The following SUGT1 variants were observed in gnomAD, a reference collection of about 807,000 sequenced individuals.
SUGT1 encodes SGT1 assembly cochaperone of MIS12 kinetochore complex, also known as protein SGT1 homolog.
A neutral mutation model predicts 56.1 loss-of-function variants in SUGT1; 15 were observed. That is an observed-to-expected ratio of 0.27 (90% CI 0.18 to 0.41). The LOEUF is 0.41. SUGT1 is among the 10% of genes least tolerant of loss of function. The probability of loss-of-function intolerance (pLI) is 1.00; values close to 1 mark genes in which losing one functional copy is unlikely to be tolerated. For synonymous variants in SUGT1, 123 were observed against 128.6 expected, an observed-to-expected ratio of 0.96 and a Z score of 0.30; for missense variants, 347 against 382.2, an observed-to-expected ratio of 0.91 and a Z score of 0.77.
chr13:52,672,311 GATTA>G lies in SUGT1; in HGVS notation c.628-3914_628-3911del, dbSNP rs564651748. ...TTTTGTTTATGGGAATGTCTCTCCT[GATTA>G]ATTACTTTAAGAAGAACAGAGGCTG... On this transcript the variant is annotated intron_variant, in intron 10 of 12. Coordinates refer to ENST00000310528, the MANE Select transcript of SUGT1 (RefSeq NM_006704.5). 2.4e-3 allele frequency among the ~76,000 whole-genome samples: 364 copies of G among 152,218 alleles called. 2 individuals carry two copies. Among genetic ancestry groups the G allele is most frequent in the African/African-American group, 8.3e-3 (344 of 41,536 alleles).
rs940945834 is a variant in SUGT1 at position 52,698,152 on chromosome 13, G to A, written c.*10317G>A. 8 of 152,166 alleles carry A rather than the reference G, an allele frequency of 5.3e-5. No individual in the cohort carries two copies. Among genetic ancestry groups the A allele is most frequent in the Non-Finnish European group, 1.0e-4 (7 of 68,028 alleles). The allele number at this position is 152,166 out of a possible 1,614,324, so 9.4% of individuals were successfully genotyped here. ...GAGTTGTTAAAATCAGATCAACAGAGCATGTTTTTATGGGCCATCTGACAA... is the reference window on the plus strand; with the variant it reads ...GAGTTGTTAAAATCAGATCAACAGAACATGTTTTTATGGGCCATCTGACAA... On this transcript the variant is annotated 3_prime_UTR_variant, in exon 13 of 13. Transcript: ENST00000310528.
chr13:52,675,888 G>A (rs1390893343), intron 10 of SUGT1, among the ~76,000 whole-genome samples: 1 of 152,106 alleles, frequency 6.6e-6, no homozygotes, highest in Non-Finnish European at 1.5e-5. Context: ...CCTCACTGCA[G>A]TATGACAACC....
intron 12 of SUGT1, among the ~76,000 whole-genome samples, chr13:52,680,616 A>C (rs1305327630): frequency 6.6e-6 from 1 of 152,246 alleles, no homozygotes; most frequent in Non-Finnish European, 1.5e-5. Context: ...AAATACCTAA[A>C]TTAGACCTCA....
chr13:52,655,142 G>A (rs1323693824), intron 2 of SUGT1, among the ~76,000 whole-genome samples: 1 of 152,178 alleles, frequency 6.6e-6, no homozygotes, highest in Admixed American at 6.5e-5. Context: ...TCAGGAATTC[G>A]AGACCAGCCT....
intron 5 of SUGT1, among the ~76,000 whole-genome samples, chr13:52,661,289 G>T (rs1366185541): frequency 6.6e-6 from 1 of 151,624 alleles, no homozygotes; most frequent in Non-Finnish European, 1.5e-5. Context: ...TGTTTTTTGG[G>T]GTTTTTTTTT....
intron 8 of SUGT1, 91 bp from the exon 9 acceptor site, chr13:52,665,546 G>A: frequency 1.2e-6 from 1 of 850,970 alleles, no homozygotes; most frequent in South Asian, 1.7e-5. Context: ...TCCAGGTGGG[G>A]CTCTTGTTGT....
rs544067945 is a variant in SUGT1, at chr13:52,668,195, T to C, written c.627+1276T>C. 2.6e-5 allele frequency among the ~76,000 whole-genome samples: 4 copies of C among 152,288 alleles called. No homozygotes were observed. The South Asian group carries it at 8.3e-4, about 32-fold the overall frequency. ...TGGGGTTTCACCATATTGGCCAGGA[T>C]GGTCTTGATCTCCTGACCACGTGAT... On this transcript the variant is annotated intron_variant, in intron 10 of 12. Transcript: ENST00000310528.
chr13:52,658,172 G>A (rs1017598772), intron 3 of SUGT1: 1 of 1,468,236 alleles, frequency 6.8e-7, no homozygotes, highest in African/African-American at 1.4e-5. Context: ...TTGTGACACA[G>A]CTGTATTCAT....
chr13:52,652,940 GAA>G lies in SUGT1; in HGVS notation c.21_22del (p.Thr8CysfsTer28). Reference sequence around the variant, plus strand: ...CGAGGGATGGCGGCGGCTGCAGCAGGAACTGCAACATCCCAGAGGTGCATGTT... The same window carrying G: ...CGAGGGATGGCGGCGGCTGCAGCAGGCTGCAACATCCCAGAGGTGCATGTT... On this transcript the variant is annotated frameshift_variant, in exon 1 of 13. Transcript: ENST00000310528. LOFTEE classifies it high-confidence loss of function. 1 of 1,614,208 alleles carries G rather than the reference GAA, an allele frequency of 6.2e-7. No individual in the cohort carries two copies.
chr13:52,660,954 A>T (rs1216068626), intron 5 of SUGT1, among the ~76,000 whole-genome samples: 1 of 152,116 alleles, frequency 6.6e-6, no homozygotes, highest in Non-Finnish European at 1.5e-5. Flanking sequence ...CTACAGGCAC[A>T]TGCCACCACA....
rs1005963352 is a variant in SUGT1, at chr13:52,696,384, C to T, written c.*8549C>T. 4.6e-5 allele frequency: 7 copies of T among 152,154 alleles called. No homozygotes were observed. Among genetic ancestry groups the T allele is most frequent in the African/African-American group, 1.7e-4 (7 of 41,450 alleles). The allele number at this position is 152,154 out of a possible 1,614,324, so 9.4% of individuals were successfully genotyped here. A position where few individuals can be genotyped will look rare whatever the true frequency, so the allele number is the denominator to read the frequency against. On this transcript the variant is annotated 3_prime_UTR_variant, in exon 13 of 13. Coordinates refer to ENST00000310528, the MANE Select transcript of SUGT1 (RefSeq NM_006704.5). ...CTTGTTTATGCCTCTATTTATGACA[C>T]CTTCATGGTGTCACATGTTATAGGG...
Position 52,687,920 on chromosome 13 carries a change from T to G in SUGT1, c.*85T>G, listed in dbSNP as rs945886250. On this transcript the variant is annotated 3_prime_UTR_variant, in exon 13 of 13. Coordinates refer to ENST00000310528, the MANE Select transcript of SUGT1 (RefSeq NM_006704.5). The stretch of plus-strand genomic sequence containing the variant: ...TATTGCATTCTTGAATTTTGAACAC[T>G]GAATATCTTTTTGAAAGATTATACT... 8.9e-6 allele frequency: 7 copies of G among 782,238 alleles called. No homozygotes were observed. The highest frequency in any genetic ancestry group is 3.1e-5 in the East Asian group (1 of 32,552). The allele number at this position is 782,238 out of a possible 1,614,324, so 48.5% of individuals were successfully genotyped here.
intron 2 of SUGT1, among the ~76,000 whole-genome samples, 170 bp from the exon 3 acceptor site, chr13:52,657,362 T>TG (rs1202057548): frequency 6.6e-6 from 1 of 152,282 alleles, no homozygotes; most frequent in Middle Eastern, 3.4e-3. Context: ...GCAAGAGAAG[T>TG]GGGGGAGATA....
At position 52,659,173 on chromosome 13, in the gene SUGT1, A is replaced by C. The variant is rs1474680560; in HGVS notation, c.258-6A>C. 6.6e-7 allele frequency: 1 copy of C among 1,514,076 alleles called. No individual in the cohort carries two copies. The highest frequency in any genetic ancestry group is 2.5e-5 in the East Asian group (1 of 39,328). 93.8% of individuals were successfully genotyped at this position (1,514,076 alleles called of 1,614,324 possible). ...GTCTTAATTTGTTTTAAATATATTCATGCAGAATATGTGAATACCATGAAA... is the reference window on the plus strand; with the variant it reads ...GTCTTAATTTGTTTTAAATATATTCCTGCAGAATATGTGAATACCATGAAA... On this transcript the variant is annotated splice_region_variant and splice_polypyrimidine_tract_variant and intron_variant, in intron 4 of 12. Coordinates refer to ENST00000310528, the MANE Select transcript of SUGT1 (RefSeq NM_006704.5).
chr13:52,682,970 T>A (rs903258114), intron 12 of SUGT1, among the ~76,000 whole-genome samples: 6 of 152,228 alleles, frequency 3.9e-5, no homozygotes, highest in African/African-American at 1.4e-4. Flanking sequence ...CTGGACTCAG[T>A]TCTAGGAGTA....
chr13:52,655,381 A>G (rs1476978520), intron 2 of SUGT1, among the ~76,000 whole-genome samples: 5 of 152,218 alleles, frequency 3.3e-5, no homozygotes, highest in South Asian at 4.1e-4. Context: ...CAGTTTTATC[A>G]TATGATTATG....
chr13:52,673,654 T>G (rs1057015178), intron 10 of SUGT1, among the ~76,000 whole-genome samples: 4 of 152,210 alleles, frequency 2.6e-5, no homozygotes, highest in Non-Finnish European at 5.9e-5. Flanking sequence ...AACAAGGAAC[T>G]TTTTATAGAC....
At chr13:52,666,665 C>G in intron 9 of SUGT1, 147 bp from the exon 10 acceptor site, 1 of 605,118 alleles carries the variant, frequency 1.7e-6, no homozygotes. Context: ...TCTTTGAGAA[C>G]CTTTTGAGGT....
chr13:52,672,586 A>C (rs565806632), intron 10 of SUGT1, among the ~76,000 whole-genome samples: 8 of 152,192 alleles, frequency 5.3e-5, no homozygotes, highest in Non-Finnish European at 1.2e-4. Flanking sequence ...AGAGCTTAGT[A>C]AGAGTATGTT....
Sources: allele counts gnomAD v4.1 joint callset (sites outside exome capture counted in the v4.1 genomes callset), GRCh38; gene constraint gnomAD v4.1.1; transcripts MANE v1.5; gene names NCBI Gene and HGNC (gene_info 2026-07-23, HGNC 2026-07-21).